Variants in ANO2 observed in about 807,000 individuals in gnomAD.
ANO2 encodes anoctamin 2, also known as anoctamin-2.
A neutral mutation model predicts 124.2 loss-of-function variants in ANO2; 101 were observed. That is an observed-to-expected ratio of 0.81 (90% CI 0.69 to 0.96). The LOEUF (loss-of-function observed/expected upper bound fraction) is 0.96. Among genes scored for constraint, ANO2 ranks in the 40% least tolerant of loss-of-function variants. The pLI is 0.00. For missense variants in ANO2, 1,293 were observed against 1,274.5 expected (o/e 1.01, Z -0.22); for synonymous variants, 486 against 482.5 (o/e 1.01, Z -0.09).
intron 3 of ANO2, among the ~76,000 whole-genome samples, chr12:5,857,631 A>G (rs1409189598): frequency 6.6e-6 from 1 of 152,158 alleles, no homozygotes; most frequent in Non-Finnish European, 1.5e-5. Flanking sequence ...AGTGATGTTA[A>G]GCATTTTTTC....
chr12:5,609,869 G>A lies in ANO2; in HGVS notation c.2087+2787C>T, dbSNP rs985428748. Among the ~76,000 whole-genome samples the A allele has an allele frequency of 3.5e-5, 5 of 144,376 alleles. No individual in the cohort carries two copies. The East Asian group carries it at 1.0e-3, about 29-fold the overall frequency. 94.7% of individuals were successfully genotyped at this position (144,376 alleles called of 152,430 possible). A position where few individuals can be genotyped will look rare whatever the true frequency, so the allele number is the denominator to read the frequency against. ...TTAGTCTATTGCTTGTTTAGAAAAT[G>A]TATATATATATATATGTTTTATACA... is the stretch of plus-strand genomic sequence containing the variant. On this transcript the variant is annotated intron_variant, in intron 19 of 24. Coordinates refer to ENST00000682330, the MANE Select transcript of ANO2 (RefSeq NM_001364791.2).
At chr12:5,771,971 T>C (rs1225477505) in intron 10 of ANO2, among the ~76,000 whole-genome samples, 1 of 152,158 alleles carries the variant, frequency 6.6e-6, no homozygotes, top group Non-Finnish European at 1.5e-5. Context: ...TGTCAAACAG[T>C]GATTAGAGAC....
At chr12:5,783,003 G>C (rs1380993167) in intron 10 of ANO2, among the ~76,000 whole-genome samples, 1 of 152,104 alleles carries the variant, frequency 6.6e-6, no homozygotes, top group Non-Finnish European at 1.5e-5. Context: ...AATCCTCCAT[G>C]GTAGACTGAC....
At chr12:5,679,572 C>G (rs1373761056) in intron 14 of ANO2, among the ~76,000 whole-genome samples, 1 of 152,048 alleles carries the variant, frequency 6.6e-6, no homozygotes, top group African/African-American at 2.4e-5. Context: ...AAATGCAAAT[C>G]AAAAACCACA....
intron 22 of ANO2, 86 bp from the exon 23 acceptor site, chr12:5,576,101 T>C: frequency 7.6e-7 from 1 of 1,324,160 alleles, no homozygotes; most frequent in Non-Finnish European, 1.0e-6. Flanking sequence ...CAGAAGGAGC[T>C]GCTCTGACTG....
intron 4 of ANO2, among the ~76,000 whole-genome samples, chr12:5,852,787 T>C (rs1360136360): frequency 6.6e-6 from 1 of 150,982 alleles, no homozygotes; most frequent in African/African-American, 2.4e-5. Context: ...TGATGGTAGT[T>C]ACAAACAGCA....
At chr12:5,785,292 G>A (rs1000983459) in intron 10 of ANO2, among the ~76,000 whole-genome samples, 1 of 152,128 alleles carries the variant, frequency 6.6e-6, no homozygotes, top group Non-Finnish European at 1.5e-5. Context: ...ACCAGCGAGA[G>A]GCTTAGAGGG....
chr12:5,919,389 A>G (rs57751407), intron 3 of ANO2, among the ~76,000 whole-genome samples: 2,048 of 77,510 alleles, frequency 0.026, 2 homozygotes, highest in South Asian at 0.043. Flanking sequence ...CCAAAGCAGA[A>G]AGGGCAATAG....
chr12:5,785,311 G>A (rs956922250), intron 10 of ANO2, among the ~76,000 whole-genome samples: 3 of 152,018 alleles, frequency 2.0e-5, no homozygotes, highest in African/African-American at 7.2e-5. Flanking sequence ...GGAGAAACAC[G>A]CAGCTACAAA....
intron 14 of ANO2, among the ~76,000 whole-genome samples, chr12:5,695,251 G>A (rs1017385851): frequency 2.6e-5 from 4 of 151,772 alleles, no homozygotes; most frequent in African/African-American, 9.7e-5. Context: ...TTTTAACTAC[G>A]ACTTTGAACA....
rs1022526960 is a variant in ANO2, at chr12:5,635,659, G to A, written c.1621-312C>T. 1.1e-4 allele frequency among the ~76,000 whole-genome samples: 16 copies of A among 151,456 alleles called. No individual in the cohort carries two copies. The highest frequency in any genetic ancestry group is 3.9e-4 in the African/African-American group (16 of 41,076). Reference sequence around the variant, plus strand: ...GGATGAACATGCTGGACCCTGTGGAGTGTTCAACACACATGACGCAATTTC... The same window carrying A: ...GGATGAACATGCTGGACCCTGTGGAATGTTCAACACACATGACGCAATTTC... On this transcript the variant is annotated intron_variant, in intron 15 of 24. Coordinates refer to ENST00000682330, the MANE Select transcript of ANO2 (RefSeq NM_001364791.2). The surrounding 1 kb of genome is among the most constrained non-coding windows in gnomAD (Gnocchi z 5.2).
intron 16 of ANO2, among the ~76,000 whole-genome samples, chr12:5,618,741 A>G (rs1485456517): frequency 2.0e-5 from 3 of 152,234 alleles, no homozygotes; most frequent in African/African-American, 7.2e-5. Flanking sequence ...ATCAAGCACC[A>G]GCTGTGTGTC....
intron 14 of ANO2, among the ~76,000 whole-genome samples, chr12:5,691,901 TA>T (rs566579054): frequency 0.01 from 1,484 of 144,238 alleles, 13 homozygotes; most frequent in African/African-American, 0.024. Context: ...GAGACTATCT[TA>T]AAAAAAAAAA....
At chr12:5,824,350 C>T (rs1953895167) in intron 7 of ANO2, among the ~76,000 whole-genome samples, 1 of 152,222 alleles carries the variant, frequency 6.6e-6, no homozygotes, top group Admixed American at 6.5e-5. Context: ...CTCTTGAATG[C>T]TTTGCTGCTT....
intron 10 of ANO2, among the ~76,000 whole-genome samples, chr12:5,756,584 G>T (rs1425231293): frequency 6.6e-6 from 1 of 152,236 alleles, no homozygotes; most frequent in Non-Finnish European, 1.5e-5. Flanking sequence ...CCTGCGGGCA[G>T]ACTTAAGCTG....
intron 20 of ANO2, among the ~76,000 whole-genome samples, chr12:5,596,196 T>C (rs183354977): frequency 1.2e-4 from 18 of 152,250 alleles, no homozygotes; most frequent in Admixed American, 7.2e-4. Context: ...GCAACAAAGA[T>C]AGAGGATTAA....
intron 22 of ANO2, 76 bp downstream of exon 22, chr12:5,577,879 C>T: frequency 6.8e-7 from 1 of 1,472,318 alleles, no homozygotes; most frequent in East Asian, 2.3e-5. Context: ...CAAGGGCTGG[C>T]TTCCCACTTT....
chr12:5,930,494 A>G (rs538827840), intron 1 of ANO2, among the ~76,000 whole-genome samples: 8 of 152,268 alleles, frequency 5.3e-5, no homozygotes, highest in African/African-American at 1.9e-4. Context: ...TATGTCATAT[A>G]TGACAATTTG....
At chr12:5,745,957 C>A (rs948698402) in intron 11 of ANO2, among the ~76,000 whole-genome samples, 6 of 152,028 alleles carry the variant, frequency 3.9e-5, no homozygotes, top group African/African-American at 1.4e-4. Flanking sequence ...AGGAAAGTAC[C>A]CCCTTAAAAA....
Sources: gnomAD v4.1 joint callset for allele counts (sites outside exome capture counted in the v4.1 genomes callset) on GRCh38, gnomAD v4.1.1 for gene constraint, Gnocchi (gnomAD v3.1) non-coding constraint, MANE v1.5 for transcripts, NCBI Gene and HGNC (gene_info 2026-07-23, HGNC 2026-07-21) for gene names.